MAGI1: variants seen among roughly 807,000 people sequenced by gnomAD.
MAGI1 encodes membrane-associated guanylate kinase, WW and PDZ domain-containing protein 1.
In MAGI1, 58 loss-of-function variants were observed where a neutral mutation model predicts 139.9. The ratio of observed to expected loss-of-function variants is 0.41; its 90% CI spans 0.34 to 0.52. The LOEUF (loss-of-function observed/expected upper bound fraction) is 0.52, where lower values mean the gene tolerates loss of function less well. MAGI1 is among the 20% of genes least tolerant of loss of function. MAGI1 has a pLI of 0.12. For missense variants in MAGI1, 1,874 were observed against 1,901.6 expected, an observed-to-expected ratio of 0.99 and a Z score of 0.27; for synonymous variants, 812 against 737.9, an observed-to-expected ratio of 1.10 and a Z score of -1.63.
intron 1 of MAGI1, among the ~76,000 whole-genome samples, chr3:66,005,250 A>C (rs1159752716): frequency 1.3e-5 from 2 of 152,138 alleles, no homozygotes; most frequent in Non-Finnish European, 1.5e-5. Flanking sequence ...GTCTTCAATA[A>C]TGCTGCATCT....
chr3:65,623,944 C>T (rs1302305115), intron 1 of MAGI1, among the ~76,000 whole-genome samples: 1 of 152,016 alleles, frequency 6.6e-6, no homozygotes, highest in Non-Finnish European at 1.5e-5. Flanking sequence ...CACATGAAGC[C>T]ACCCCCCAAA....
At chr3:65,647,676 T>C (rs1406254125) in intron 1 of MAGI1, among the ~76,000 whole-genome samples, 1 of 152,200 alleles carries the variant, frequency 6.6e-6, no homozygotes. Context: ...TCAACTGATT[T>C]AAAAGTATTT....
At chr3:65,838,656 G>A (rs2058708695) in intron 1 of MAGI1, among the ~76,000 whole-genome samples, 1 of 152,176 alleles carries the variant, frequency 6.6e-6, no homozygotes, top group South Asian at 2.1e-4. Flanking sequence ...CACTTTAGTT[G>A]TTGAACATTA....
chr3:65,805,880 T>G (rs2040823909), intron 1 of MAGI1, among the ~76,000 whole-genome samples: 1 of 152,048 alleles, frequency 6.6e-6, no homozygotes, highest in African/African-American at 2.4e-5. Flanking sequence ...AATTGGGAGC[T>G]GAACAATGAG....
At chr3:65,382,173 G>T in intron 15 of MAGI1, 104 bp from the exon 16 acceptor site, 1 of 964,608 alleles carries the variant, frequency 1.0e-6, no homozygotes, top group Non-Finnish European at 1.5e-6. Context: ...CATGTCTGCA[G>T]GCATGCCGCA....
At chr3:65,869,870 G>T (rs2059877683) in intron 1 of MAGI1, among the ~76,000 whole-genome samples, 1 of 152,150 alleles carries the variant, frequency 6.6e-6, no homozygotes, top group South Asian at 2.1e-4. Context: ...TATTTCATGA[G>T]AATGAGAAGG....
At chr3:65,760,583 T>C (rs201145170) in intron 1 of MAGI1, among the ~76,000 whole-genome samples, 1 of 152,058 alleles carries the variant, frequency 6.6e-6, no homozygotes, top group East Asian at 1.9e-4. Context: ...AATTGTTTTA[T>C]TTGTTGTAAA....
intron 13 of MAGI1, among the ~76,000 whole-genome samples, chr3:65,397,909 GATTA>G (rs754107194): frequency 6.6e-6 from 1 of 152,030 alleles, no homozygotes; most frequent in Non-Finnish European, 1.5e-5. Context: ...GATGTTTTCT[GATTA>G]ATTCTTATCC....
chr3:65,953,274 T>G (rs2063953106), intron 1 of MAGI1, among the ~76,000 whole-genome samples: 1 of 152,190 alleles, frequency 6.6e-6, no homozygotes, highest in Non-Finnish European at 1.5e-5. Context: ...TCTGGCCTAT[T>G]CACAGGCAGA....
intron 1 of MAGI1, among the ~76,000 whole-genome samples, chr3:65,913,591 T>C (rs1157822592): frequency 5.9e-5 from 9 of 152,178 alleles, no homozygotes; most frequent in Non-Finnish European, 1.5e-5. Flanking sequence ...AAATGCTGCA[T>C]TGGGCAAAAC....
intron 1 of MAGI1, among the ~76,000 whole-genome samples, chr3:65,791,727 T>C (rs1345002339): frequency 6.6e-6 from 1 of 152,030 alleles, no homozygotes; most frequent in African/African-American, 2.4e-5. Context: ...CTCTGTTTTG[T>C]GTGTGTGTGT....
chr3:65,627,295 T>C (rs2084020460), intron 1 of MAGI1, among the ~76,000 whole-genome samples: 1 of 152,064 alleles, frequency 6.6e-6, no homozygotes, highest in South Asian at 2.1e-4. Flanking sequence ...CTATGATGTG[T>C]GCATGACTAA....
chr3:65,927,166 T>G (rs2106678304), intron 1 of MAGI1, among the ~76,000 whole-genome samples: 1 of 152,282 alleles, frequency 6.6e-6, no homozygotes, highest in Non-Finnish European at 1.5e-5. Context: ...TAGCCATTCT[T>G]TTATTTCTTT....
intron 1 of MAGI1, among the ~76,000 whole-genome samples, chr3:65,733,187 T>C (rs556594604): frequency 6.6e-6 from 1 of 152,184 alleles, no homozygotes; most frequent in African/African-American, 2.4e-5. Context: ...GCCTCCCGAG[T>C]AGCTGGGATC....
At chr3:65,721,832 G>GT (rs1307177773) in intron 1 of MAGI1, among the ~76,000 whole-genome samples, 3 of 133,296 alleles carry the variant, frequency 2.3e-5, no homozygotes, top group African/African-American at 5.8e-5. Flanking sequence ...GTTTTGTTTT[G>GT]TTTTTTGTTT....
chr3:65,667,839 C>T (rs2086622254), intron 1 of MAGI1, among the ~76,000 whole-genome samples: 1 of 152,158 alleles, frequency 6.6e-6, no homozygotes, highest in African/African-American at 2.4e-5. Context: ...GCTGGGATTA[C>T]AGGCATGACC....
At chr3:65,900,338 A>G (rs1285392610) in intron 1 of MAGI1, among the ~76,000 whole-genome samples, 1 of 152,234 alleles carries the variant, frequency 6.6e-6, no homozygotes, top group African/African-American at 2.4e-5. Context: ...TACAATGAAC[A>G]TGATGTGTAA....
At chr3:65,806,841 C>T (rs975409800) in intron 1 of MAGI1, among the ~76,000 whole-genome samples, 1 of 152,168 alleles carries the variant, frequency 6.6e-6, no homozygotes. Flanking sequence ...CTGTTCCAGA[C>T]ATTCCAAATG....
At chr3:65,394,891 C>T (rs1469884325) in intron 13 of MAGI1, among the ~76,000 whole-genome samples, 4 of 152,220 alleles carry the variant, frequency 2.6e-5, no homozygotes, top group Non-Finnish European at 1.5e-5. Flanking sequence ...GACACAGGAG[C>T]AGATTTGCAT....
Sources: gnomAD v4.1 joint callset for allele counts (sites outside exome capture counted in the v4.1 genomes callset) on GRCh38, gnomAD v4.1.1 for gene constraint, MANE v1.5 for transcripts, NCBI Gene and HGNC (gene_info 2026-07-23, HGNC 2026-07-21) for gene names.